Variants in HECW1 observed in about 807,000 individuals in gnomAD.
The protein encoded by HECW1 is E3 ubiquitin-protein ligase HECW1.
HECW1 carries 61 observed loss-of-function variants against 182.3 expected under a neutral mutation model. The observed-to-expected ratio is 0.33, with a 90% CI of 0.27 to 0.41. HECW1 has a LOEUF of 0.41. HECW1 is among the 10% of genes least tolerant of loss of function. HECW1 has a pLI of 1.00. For synonymous variants in HECW1, 859 were observed against 832.6 expected, an observed-to-expected ratio of 1.03 and a Z score of -0.55; for missense variants, 1,739 against 2,108.9, an observed-to-expected ratio of 0.82 and a Z score of 3.44.
At chr7:43,231,953 C>T (rs1208748952) in intron 2 of HECW1, among the ~76,000 whole-genome samples, 3 of 141,518 alleles carry the variant, frequency 2.1e-5, no homozygotes, top group South Asian at 2.3e-4. Flanking sequence ...ACCCGGGAGG[C>T]GGAGCTTGCA....
chr7:43,463,118 C>A (rs1402315794), intron 13 of HECW1, among the ~76,000 whole-genome samples: 1 of 152,182 alleles, frequency 6.6e-6, no homozygotes, highest in Non-Finnish European at 1.5e-5. Flanking sequence ...ATGACTAAAT[C>A]CCCAACTTGG....
At chr7:43,453,277 T>A (rs1162553126) in intron 12 of HECW1, among the ~76,000 whole-genome samples, 1 of 152,010 alleles carries the variant, frequency 6.6e-6, no homozygotes, top group African/African-American at 2.4e-5. Context: ...GTGGGAGCAG[T>A]GGAGGTGGTG....
At chr7:43,242,941 T>C (rs1483337636) in intron 2 of HECW1, among the ~76,000 whole-genome samples, 1 of 152,056 alleles carries the variant, frequency 6.6e-6, no homozygotes, top group African/African-American at 2.4e-5. Context: ...CCGTCTTCTA[T>C]TCAGATCTGC....
chr7:43,477,222 A>T (rs1323590610), intron 16 of HECW1, among the ~76,000 whole-genome samples: 3 of 152,190 alleles, frequency 2.0e-5, no homozygotes, highest in African/African-American at 7.2e-5. Flanking sequence ...TAATGGTAAC[A>T]TGATAGATCT....
At chr7:43,215,268 C>T (rs546739439) in intron 2 of HECW1, among the ~76,000 whole-genome samples, 1 of 152,378 alleles carries the variant, frequency 6.6e-6, no homozygotes, top group African/African-American at 2.4e-5. Flanking sequence ...TTAGCTGCTG[C>T]ACCTTGCAAG....
chr7:43,514,215 T>C (rs1160864685), intron 24 of HECW1, among the ~76,000 whole-genome samples: 1 of 152,132 alleles, frequency 6.6e-6, no homozygotes, highest in Non-Finnish European at 1.5e-5. Context: ...AGAAATCTTA[T>C]AATTTACAGA....
At chr7:43,433,815 G>C (rs887726512) in intron 8 of HECW1, among the ~76,000 whole-genome samples, 1 of 152,192 alleles carries the variant, frequency 6.6e-6, no homozygotes, top group African/African-American at 2.4e-5. Context: ...AAGATGAGGA[G>C]CCATTTATTC....
intron 2 of HECW1, among the ~76,000 whole-genome samples, chr7:43,199,362 A>T (rs1794826286): frequency 6.6e-6 from 1 of 152,254 alleles, no homozygotes; most frequent in Non-Finnish European, 1.5e-5. Context: ...AAGAATATAT[A>T]TCCTATGGAA....
chr7:43,444,196 A>T lies in HECW1; in HGVS notation c.1046-22A>T, dbSNP rs1444011762. On this transcript the variant is annotated intron_variant, in intron 10 of 29. Coordinates refer to ENST00000395891, the MANE Select transcript of HECW1 (RefSeq NM_015052.5). The surrounding 1 kb of genome is among the most constrained non-coding windows in gnomAD (Gnocchi z 4.3). ...AATGCTCTCTTCTGGGAGAAATGACATATTTTTCTTCTTACCAGCAGATGA... is the reference window on the plus strand; with the variant it reads ...AATGCTCTCTTCTGGGAGAAATGACTTATTTTTCTTCTTACCAGCAGATGA... 2 of 1,580,332 alleles carry T rather than the reference A, an allele frequency of 1.3e-6. No individual in the cohort carries two copies. The highest frequency in any genetic ancestry group is 4.5e-5 in the East Asian group (2 of 44,450).
chr7:43,241,194 T>G (rs1256335876), intron 2 of HECW1: 1 of 152,292 alleles, frequency 6.6e-6, no homozygotes, highest in East Asian at 1.9e-4. Flanking sequence ...CGTGCAGATC[T>G]GTGTAGCTGA....
chr7:43,282,330 G>A (rs1201516031), intron 3 of HECW1, among the ~76,000 whole-genome samples: 1 of 152,170 alleles, frequency 6.6e-6, no homozygotes, highest in East Asian at 1.9e-4. Flanking sequence ...ACTCTTTTTC[G>A]CTGACTTCAC....
intron 3 of HECW1, among the ~76,000 whole-genome samples, chr7:43,246,142 A>T (rs1168887084): frequency 2.6e-5 from 2 of 77,600 alleles, no homozygotes; most frequent in South Asian, 4.1e-4. Flanking sequence ...ATGAAAAATA[A>T]AAAAAAAAAA....
At chr7:43,169,536 A>C (rs962582985) in intron 2 of HECW1, among the ~76,000 whole-genome samples, 1 of 152,090 alleles carries the variant, frequency 6.6e-6, no homozygotes, top group African/African-American at 2.4e-5. Flanking sequence ...AAGCATCCCA[A>C]CTCAGCCCAA....
chr7:43,420,555 T>C (rs1007609271), intron 8 of HECW1, among the ~76,000 whole-genome samples: 1 of 152,174 alleles, frequency 6.6e-6, no homozygotes, highest in African/African-American at 2.4e-5. Context: ...TCAGATAACA[T>C]TGTTGTGTCA....
intron 1 of HECW1, chr7:43,113,869 GGT>G (rs1226436351): frequency 8.5e-6 from 2 of 234,260 alleles, no homozygotes; most frequent in Admixed American, 5.5e-5. Flanking sequence ...CATGATGCGC[GGT>G]GTCTCTGTCT....
At chr7:43,263,103 C>T (rs1230015738) in intron 3 of HECW1, among the ~76,000 whole-genome samples, 3 of 152,154 alleles carry the variant, frequency 2.0e-5, no homozygotes, top group East Asian at 1.9e-4. Flanking sequence ...CTTACCTGTG[C>T]GATGAAAAGA....
At chr7:43,250,719 T>G (rs1304018751) in intron 3 of HECW1, among the ~76,000 whole-genome samples, 1 of 152,202 alleles carries the variant, frequency 6.6e-6, no homozygotes, top group African/African-American at 2.4e-5. Flanking sequence ...CCTTGCAAGT[T>G]TATTTTATTT....
At chr7:43,255,696 T>G (rs1461338997) in intron 3 of HECW1, among the ~76,000 whole-genome samples, 9 of 152,110 alleles carry the variant, frequency 5.9e-5, no homozygotes, top group Non-Finnish European at 2.9e-5. Flanking sequence ...CCATGCACTG[T>G]GCCAGGTGCA....
Position 43,190,536 on chromosome 7 carries a change from G to A in HECW1, c.-31-53339G>A, listed in dbSNP as rs1474956896. Among the ~76,000 whole-genome samples the A allele has an allele frequency of 4.6e-5, 7 of 152,234 alleles. No individual in the cohort carries two copies. The East Asian group carries it at 1.2e-3, about 25-fold the overall frequency. ...AATGACAATGAAATACATTGATACA[G>A]TGGAGCCATGGATTGAGAACTATTT... On this transcript the variant is annotated intron_variant, in intron 2 of 29. Transcript: ENST00000395891.
Sources: allele counts gnomAD v4.1 joint callset (sites outside exome capture counted in the v4.1 genomes callset), GRCh38; gene constraint gnomAD v4.1.1; non-coding constraint Gnocchi (gnomAD v3.1); transcripts MANE v1.5; gene names NCBI Gene and HGNC (gene_info 2026-07-23, HGNC 2026-07-21).